The following CYP24A1 variants were observed in gnomAD, a reference collection of about 807,000 sequenced individuals.
The protein encoded by CYP24A1 is 1,25-dihydroxyvitamin D(3) 24-hydroxylase, mitochondrial.
CYP24A1 carries 68 observed loss-of-function variants against 62.4 expected under a neutral mutation model. That is an observed-to-expected ratio of 1.09 (90% CI 0.90 to 1.33). CYP24A1 has a LOEUF of 1.33. Ranked by LOEUF, CYP24A1 falls within the 40% of genes most tolerant of loss-of-function variation. CYP24A1 has a pLI of 0.00. For missense variants in CYP24A1, 787 were observed against 653.0 expected, an observed-to-expected ratio of 1.21 and a Z score of -2.24; for synonymous variants, 267 against 253.0, an observed-to-expected ratio of 1.06 and a Z score of -0.52.
chr20:54,172,048 G>T, intron 2 of CYP24A1: 1 of 321,096 alleles, frequency 3.1e-6, no homozygotes, highest in Non-Finnish European at 6.0e-6. Context: ...ATCTGTTTGA[G>T]GGAAGAATCT....
Position 54,173,215 on chromosome 20 carries a change from G to T in CYP24A1, c.258+107C>A, listed in dbSNP as rs1601151395. On this transcript the variant is annotated intron_variant, in intron 1 of 11. Transcript: ENST00000216862. The surrounding 1 kb of genome is among the most constrained non-coding windows in gnomAD (Gnocchi z 7.2). ...GACCGGGGACCCTCCCTGCCCAGAC[G>T]CCGAAGCGCACCATGCGCCCGAGGC... 7 of 1,514,872 alleles carry T rather than the reference G, an allele frequency of 4.6e-6. No individual in the cohort carries two copies. The highest frequency in any genetic ancestry group is 1.8e-4 in the Middle Eastern group (1 of 5,572). The allele number at this position is 1,514,872 out of a possible 1,614,324, so 93.8% of individuals were successfully genotyped here.
intron 7 of CYP24A1, 45 bp downstream of exon 7, chr20:54,162,672 G>C: frequency 8.0e-7 from 1 of 1,251,784 alleles, no homozygotes. Flanking sequence ...TCTAAAAATG[G>C]TACAGACCGT....
intron 4 of CYP24A1, among the ~76,000 whole-genome samples, chr20:54,167,583 G>A (rs1568972308): frequency 6.6e-6 from 1 of 152,092 alleles, no homozygotes; most frequent in Non-Finnish European, 1.5e-5. Context: ...ACCAGCCTGG[G>A]CAACATGGTG....
Position 54,173,447 on chromosome 20 carries a change from G to T in CYP24A1, c.133C>A (p.Pro45Thr). 6.4e-7 allele frequency: 1 copy of T among 1,568,028 alleles called. No homozygotes were observed. Residue 45 changes from proline (P) to threonine (T), a missense_variant, in exon 1 of 12, where the codon CCG becomes ACG. By Grantham distance (38) the Pro-to-Thr change is conservative (BLOSUM62 -1). Coordinates refer to ENST00000216862, the MANE Select transcript of CYP24A1 (RefSeq NM_000782.5). The surrounding 1 kb of genome is among the most constrained non-coding windows in gnomAD (Gnocchi z 7.2). The stretch of plus-strand genomic sequence containing the variant: ...TGAGTCTCGCCACCAGCTGTCAGCG[G>T]GCAGACTGGCACCTCTCGCGGCTGA... ...SPQPREVPVCPLTAGGETQNA... is the reference protein window; with the variant it reads ...SPQPREVPVCTLTAGGETQNA...
chr20:54,146,270 G>A, the CYP24A1 span, among the ~76,000 whole-genome samples: 1 of 152,160 alleles, frequency 6.6e-6, no homozygotes, highest in South Asian at 2.1e-4. Context: ...TTGTATATCG[G>A]ATGAAACACA....
At chr20:54,155,795 A>G (rs1054002545) in intron 11 of CYP24A1, among the ~76,000 whole-genome samples, 20 of 151,930 alleles carry the variant, frequency 1.3e-4, no homozygotes, top group African/African-American at 4.8e-4. Flanking sequence ...GATCACTTCA[A>G]TAGTTTTGAA....
intron 11 of CYP24A1, among the ~76,000 whole-genome samples, chr20:54,156,590 C>T (rs1408618218): frequency 6.6e-6 from 1 of 152,166 alleles, no homozygotes; most frequent in Non-Finnish European, 1.5e-5. Flanking sequence ...GAAAGAGCCC[C>T]GACAACACGA....
Position 54,157,254 on chromosome 20 carries a change from A to G in CYP24A1, c.1470T>C (p.Asn490=), listed in dbSNP as rs1568965328. The change falls in exon 11 of 12, where the codon AAT becomes AAC. Residue 490 remains asparagine, a synonymous_variant. Transcript: ENST00000216862. ...CTGAGTGTAGCATCTCAACAGGCTC[A>G]TTGTCTGTGGCCTGGATGTCGTATT... ...VRKYDIQATD[N]EPVEMLHSGT... is the part of the protein sequence containing the mutation. 6.2e-7 allele frequency: 1 copy of G among 1,612,588 alleles called. No homozygotes were observed. The highest frequency in any genetic ancestry group is 8.5e-7 in the Non-Finnish European group (1 of 1,178,692).
intron 5 of CYP24A1, among the ~76,000 whole-genome samples, chr20:54,165,411 A>G (rs2762940): frequency 3.3e-5 from 5 of 152,076 alleles, no homozygotes; most frequent in African/African-American, 1.2e-4. Context: ...CACTGATTCT[A>G]CATTATGGTG....
At chr20:54,144,786 T>G in the CYP24A1 span, among the ~76,000 whole-genome samples, 1 of 151,422 alleles carries the variant, frequency 6.6e-6, no homozygotes, top group African/African-American at 2.4e-5. Context: ...TATAGGTGAG[T>G]TTTTCAACTA....
Position 54,158,973 on chromosome 20 carries a change from G to C in CYP24A1, c.1141C>G (p.Leu381Val). The C allele has an allele frequency of 6.2e-7, 1 of 1,614,180 alleles. No individual in the cohort carries two copies. The highest frequency in any genetic ancestry group is 1.1e-5 in the South Asian group (1 of 91,072). The change falls in exon 8 of 12, where the codon CTG (leucine) becomes GTG (valine). Residue 381 changes from leucine to valine, a missense_variant. Coordinates refer to ENST00000216862, the MANE Select transcript of CYP24A1 (RefSeq NM_000782.5). Reference protein sequence around the residue: ...LRNMPYLKACLKESMRLTPSV... With the variant: ...LRNMPYLKACVKESMRLTPSV... The stretch of plus-strand genomic sequence containing the variant: ...GGCTCTTACCTCATAGATTCTTTCA[G>C]ACAGGCTTTTAAATACGGCATATTC...
In CYP24A1 at chr20:54,159,056, A is replaced by G. The variant is rs1382745171; in HGVS notation, c.1058T>C (p.Leu353Pro). 6 of 1,614,030 alleles carry G rather than the reference A, an allele frequency of 3.7e-6. No homozygotes were observed. The highest frequency in any genetic ancestry group is 5.1e-6 in the Non-Finnish European group (6 of 1,180,008). The change falls in exon 8 of 12, where the codon CTT becomes CCT. Residue 353 changes from leucine to proline, a missense_variant. Coordinates refer to ENST00000216862, the MANE Select transcript of CYP24A1 (RefSeq NM_000782.5). ...SRNPQVQQKL[L>P]KEIQSVLPEN... is the part of the protein sequence containing the mutation. ...AGGTAATACACTTTGAATTTCCTTA[A>G]GAAGCTTTTGTTGCACTTGGGGATT...
chr20:54,155,500 G>A (rs368875320), intron 11 of CYP24A1, among the ~76,000 whole-genome samples: 2 of 152,006 alleles, frequency 1.3e-5, no homozygotes, highest in Non-Finnish European at 2.9e-5. Flanking sequence ...TTGGGAGGCC[G>A]AGGCGGGTGG....
chr20:54,162,042 G>T (rs553798592), intron 7 of CYP24A1, among the ~76,000 whole-genome samples: 1 of 152,244 alleles, frequency 6.6e-6, no homozygotes, highest in East Asian at 1.9e-4. Flanking sequence ...TTTGTTTGGG[G>T]TTGGTCTCAC....
At chr20:54,165,526 T>G (rs953438832) in intron 5 of CYP24A1, among the ~76,000 whole-genome samples, 1 of 152,202 alleles carries the variant, frequency 6.6e-6, no homozygotes, top group African/African-American at 2.4e-5. Flanking sequence ...AAAAATTGTC[T>G]TCCACGAAAC....
chr20:54,165,655 A>G, intron 5 of CYP24A1, 87 bp downstream of exon 5: 1 of 838,694 alleles, frequency 1.2e-6, no homozygotes, highest in Non-Finnish European at 2.1e-6. Flanking sequence ...TGTGTATGCC[A>G]TTTTTTGGGA....
intron 11 of CYP24A1, among the ~76,000 whole-genome samples, chr20:54,155,819 C>G (rs1391990489): frequency 6.6e-6 from 1 of 151,430 alleles, no homozygotes; most frequent in East Asian, 1.9e-4. Flanking sequence ...ATTGTAATGT[C>G]TATTAGGAGA....
intron 11 of CYP24A1, among the ~76,000 whole-genome samples, chr20:54,156,565 C>A (rs2092628604): frequency 6.6e-6 from 1 of 152,200 alleles, no homozygotes; most frequent in African/African-American, 2.4e-5. Context: ...AATAGATCCT[C>A]CTCTAGAACC....
intron 6 of CYP24A1, among the ~76,000 whole-genome samples, chr20:54,163,723 G>A (rs919693367): frequency 1.2e-4 from 19 of 152,202 alleles, no homozygotes; most frequent in Non-Finnish European, 1.0e-4. Context: ...AGTCCACGGA[G>A]ATACTGTGAT....
Sources: gnomAD v4.1 joint callset for allele counts (sites outside exome capture counted in the v4.1 genomes callset) on GRCh38, gnomAD v4.1.1 for gene constraint, Gnocchi (gnomAD v3.1) non-coding constraint, MANE v1.5 for transcripts, NCBI Gene and HGNC (gene_info 2026-07-23, HGNC 2026-07-21) for gene names.